ADARB2: variants seen among roughly 807,000 people sequenced by gnomAD.
ADARB2 encodes the protein inactive double-stranded RNA-specific editase B2.
A neutral mutation model predicts 62.2 loss-of-function variants in ADARB2; 25 were observed. The observed-to-expected ratio is 0.40, with a 90% CI of 0.29 to 0.56. The LOEUF is 0.56. Ranked by LOEUF, ADARB2 falls within the 20% of genes least tolerant of loss-of-function variation. The probability of loss-of-function intolerance (pLI) is 0.43; values close to 1 mark genes in which losing one functional copy is unlikely to be tolerated. For missense variants in ADARB2, 1,071 were observed against 1,077.4 expected (o/e 0.99, Z 0.08); for synonymous variants, 572 against 500.8 (o/e 1.14, Z -1.90).
intron 1 of ADARB2, among the ~76,000 whole-genome samples, chr10:1,548,918 C>T (rs1318333078): frequency 2.0e-5 from 3 of 151,972 alleles, no homozygotes; most frequent in African/African-American, 7.3e-5. Flanking sequence ...GCAGGCCTGG[C>T]AGGAATGAGG....
chr10:1,680,540 G>A (rs1416794272), intron 1 of ADARB2, among the ~76,000 whole-genome samples: 6 of 152,168 alleles, frequency 3.9e-5, no homozygotes, highest in South Asian at 2.1e-4. Context: ...GGGCGCTTTT[G>A]GAAGTGGAGA....
intron 1 of ADARB2, among the ~76,000 whole-genome samples, chr10:1,396,124 G>A (rs1832610897): frequency 6.6e-6 from 1 of 152,210 alleles, no homozygotes; most frequent in Non-Finnish European, 1.5e-5. Context: ...TAGAGAGCAG[G>A]TCAAAGAGTT....
chr10:1,676,856 G>C (rs1834472455), intron 1 of ADARB2, among the ~76,000 whole-genome samples: 1 of 151,494 alleles, frequency 6.6e-6, no homozygotes, highest in Admixed American at 6.6e-5. Flanking sequence ...GAAGAGGATG[G>C]AGAGAAGGTG....
rs148398315 is a variant in ADARB2 at position 1,332,480 on chromosome 10, TG to T, written c.1077+30547del. On this transcript the variant is annotated intron_variant, in intron 3 of 9. Transcript: ENST00000381312. ...TAGACTGGCTAACTAGCATCAGTTTTGTTTTTTTTTTTTTTGCCATCGAACA... is the reference window on the plus strand; with the variant it reads ...TAGACTGGCTAACTAGCATCAGTTTTTTTTTTTTTTTTTTGCCATCGAACA... Among the ~76,000 whole-genome samples, 1,407 of 144,010 alleles carry T rather than the reference TG, an allele frequency of 9.8e-3. 29 individuals are homozygous for T. Among genetic ancestry groups the T allele is most frequent in the African/African-American group, 0.026 (958 of 37,160 alleles). 94.5% of individuals were successfully genotyped at this position (144,010 alleles called of 152,430 possible). A position where few individuals can be genotyped will look rare whatever the true frequency, so the allele number is the denominator to read the frequency against.
chr10:1,395,018 C>T (rs1370500255), intron 1 of ADARB2: 2 of 453,370 alleles, frequency 4.4e-6, no homozygotes, highest in African/African-American at 2.0e-5. Context: ...CTCCTGGGCT[C>T]AGTTGATCCT....
At chr10:1,691,911 G>GTA (rs1182312738) in intron 1 of ADARB2, among the ~76,000 whole-genome samples, 1 of 152,130 alleles carries the variant, frequency 6.6e-6, no homozygotes, top group Non-Finnish European at 1.5e-5. Flanking sequence ...GTGTGTGTGT[G>GTA]TGTGTGTGTG....
At position 1,434,119 on chromosome 10, in the gene ADARB2, T is replaced by TTCTAA. The variant is rs1830807048; in HGVS notation, c.101-54960_101-54959insTTAGA. 5.3e-5 allele frequency among the ~76,000 whole-genome samples: 8 copies of TTCTAA among 152,254 alleles called. No homozygotes were observed. The East Asian group carries it at 1.5e-3, about 29-fold the overall frequency. Reference sequence around the variant, plus strand: ...AGGGTTTGAGTTTCAGGTGAAGCTATTAGATTCCGAGAAGGCTGATAACGA... The same window carrying TTCTAA: ...AGGGTTTGAGTTTCAGGTGAAGCTATTCTAATAGATTCCGAGAAGGCTGATAACGA... On this transcript the variant is annotated intron_variant, in intron 1 of 9. Coordinates refer to ENST00000381312, the MANE Select transcript of ADARB2 (RefSeq NM_018702.4).
At chr10:1,447,326 G>T (rs970420880) in intron 1 of ADARB2, among the ~76,000 whole-genome samples, 3 of 152,154 alleles carry the variant, frequency 2.0e-5, no homozygotes, top group African/African-American at 7.2e-5. Context: ...TCTGTAAAAT[G>T]GGATTTTTAT....
At chr10:1,351,906 C>A (rs1298814457) in intron 3 of ADARB2, among the ~76,000 whole-genome samples, 1 of 148,464 alleles carries the variant, frequency 6.7e-6, no homozygotes, top group African/African-American at 2.6e-5. Context: ...GCCTATCCAC[C>A]CCTTGGTGCC....
At position 1,612,816 on chromosome 10, in the gene ADARB2, C is replaced by T. The variant is rs1833588403; in HGVS notation, c.100+124235G>A. 2.6e-5 allele frequency among the ~76,000 whole-genome samples: 4 copies of T among 152,202 alleles called. No homozygotes were observed. In the South Asian group the frequency reaches 8.3e-4, roughly 32 times the overall value. ...GTTGTATAAGCAGGTACATAATATC[C>T]TCGTTTTGCCTCTTGCTCTGCAAAA... On this transcript the variant is annotated intron_variant, in intron 1 of 9. Transcript: ENST00000381312.
chr10:1,318,496 G>T (rs976718035), intron 3 of ADARB2, among the ~76,000 whole-genome samples: 2 of 152,120 alleles, frequency 1.3e-5, no homozygotes, highest in Non-Finnish European at 2.9e-5. Context: ...GGAGTGGTTT[G>T]GATTCATTTA....
intron 1 of ADARB2, among the ~76,000 whole-genome samples, chr10:1,723,004 AT>A (rs1358497216): frequency 6.6e-6 from 1 of 152,186 alleles, no homozygotes; most frequent in Non-Finnish European, 1.5e-5. Flanking sequence ...ATTCATATTC[AT>A]GTGTACACAT....
chr10:1,360,157 CG>C (rs112120080), intron 3 of ADARB2, among the ~76,000 whole-genome samples: 1 of 152,204 alleles, frequency 6.6e-6, no homozygotes, highest in African/African-American at 2.4e-5. Context: ...CCTCAAGCAC[CG>C]GGCCGGCACC....
rs1434281018 is a variant in ADARB2, at chr10:1,255,524, G to C, written c.1193-13225C>G. Among the ~76,000 whole-genome samples the C allele has an allele frequency of 6.6e-6, 1 of 152,254 alleles. No homozygotes were observed. Among genetic ancestry groups the C allele is most frequent in the Non-Finnish European group, 1.5e-5 (1 of 68,052 alleles). Reference sequence around the variant, plus strand: ...TCCACCTGTGATGGCCTCGGGCACTGTGGCCCCCACTACAACCCAAAGAGG... The same window carrying C: ...TCCACCTGTGATGGCCTCGGGCACTCTGGCCCCCACTACAACCCAAAGAGG... On this transcript the variant is annotated intron_variant, in intron 4 of 9. Transcript: ENST00000381312. The surrounding 1 kb of genome is among the most constrained non-coding windows in gnomAD (Gnocchi z 4.7).
intron 6 of ADARB2, among the ~76,000 whole-genome samples, chr10:1,218,453 A>G (rs918432400): frequency 2.0e-5 from 3 of 152,258 alleles, no homozygotes; most frequent in Non-Finnish European, 4.4e-5. Context: ...TATCATTTAC[A>G]TACATATGAT....
chr10:1,438,264 A>C (rs1366520910), intron 1 of ADARB2, among the ~76,000 whole-genome samples: 1 of 149,694 alleles, frequency 6.7e-6, no homozygotes, highest in African/African-American at 2.5e-5. Context: ...GGGGCTCCTG[A>C]GTCTCCCCCA....
intron 3 of ADARB2, among the ~76,000 whole-genome samples, chr10:1,288,314 C>T (rs983434123): frequency 4.6e-5 from 7 of 152,196 alleles, no homozygotes; most frequent in African/African-American, 1.2e-4. Context: ...GCCTAGAATA[C>T]GAAACAGGAA....
rs192726423 is a variant in ADARB2 at position 1,499,015 on chromosome 10, A to C, written c.101-119855T>G. Reference sequence around the variant, plus strand: ...ATCACTCACTCAATACTCATTACTCAACACTCATTCATTACTCATCATTCA... The same window carrying C: ...ATCACTCACTCAATACTCATTACTCCACACTCATTCATTACTCATCATTCA... On this transcript the variant is annotated intron_variant, in intron 1 of 9. Coordinates refer to ENST00000381312, the MANE Select transcript of ADARB2 (RefSeq NM_018702.4). Among the ~76,000 whole-genome samples the C allele has an allele frequency of 2.9e-3, 440 of 151,770 alleles. 3 individuals carry two copies. Among genetic ancestry groups the C allele is most frequent in the Non-Finnish European group, 3.4e-3 (233 of 67,944 alleles).
At chr10:1,481,856 C>A (rs1207971035) in intron 1 of ADARB2, among the ~76,000 whole-genome samples, 224 of 135,064 alleles carry the variant, frequency 1.7e-3, no homozygotes, top group South Asian at 4.6e-3. Context: ...GACTCCATCT[C>A]AAAAAAAAAA....
Sources: gnomAD v4.1 joint callset for allele counts (sites outside exome capture counted in the v4.1 genomes callset) on GRCh38, gnomAD v4.1.1 for gene constraint, Gnocchi (gnomAD v3.1) non-coding constraint, MANE v1.5 for transcripts, NCBI Gene and HGNC (gene_info 2026-07-23, HGNC 2026-07-21) for gene names.